Variants in BMP2K observed in about 807,000 individuals in gnomAD.
BMP2K encodes BMP2 inducible kinase.
A neutral mutation model predicts 116.0 loss-of-function variants in BMP2K; 74 were observed. The observed-to-expected ratio is 0.64, with a 90% CI of 0.53 to 0.77. The LOEUF (loss-of-function observed/expected upper bound fraction) is 0.77. Ranked by LOEUF, BMP2K falls within the 30% of genes least tolerant of loss-of-function variation. The pLI is 0.00. For synonymous variants in BMP2K, 486 were observed against 502.5 expected (o/e 0.97, Z 0.44); for missense variants, 1,365 against 1,403.6 (o/e 0.97, Z 0.44).
intron 3 of BMP2K, among the ~76,000 whole-genome samples, chr4:78,835,247 A>G (rs1277260194): frequency 6.6e-6 from 1 of 152,222 alleles, no homozygotes; most frequent in Non-Finnish European, 1.5e-5. Context: ...TTTTAGAAAT[A>G]GTTATCCGGT....
intron 1 of BMP2K, among the ~76,000 whole-genome samples, chr4:78,821,101 A>T (rs1403432792): frequency 6.6e-6 from 1 of 151,988 alleles, no homozygotes; most frequent in Non-Finnish European, 1.5e-5. Context: ...GGTTCTTTGG[A>T]TGATTTCTTT....
intron 7 of BMP2K, chr4:78,859,175 T>C (rs1206725789): frequency 6.5e-6 from 1 of 153,334 alleles, no homozygotes; most frequent in East Asian, 1.9e-4. Context: ...TGATTAAGGA[T>C]CACTTAAAAA....
chr4:78,902,611 A>C (rs1734068452), intron 15 of BMP2K, among the ~76,000 whole-genome samples: 1 of 152,154 alleles, frequency 6.6e-6, no homozygotes, highest in African/African-American at 2.4e-5. Flanking sequence ...TTACAATAGA[A>C]GTTTCAAGCC....
chr4:78,896,392 T>G (rs1345428910), intron 15 of BMP2K, among the ~76,000 whole-genome samples: 3 of 152,214 alleles, frequency 2.0e-5, no homozygotes, highest in African/African-American at 7.2e-5. Flanking sequence ...TAAAATTATC[T>G]GGGTTCAGTT....
Position 78,915,011 on chromosome 4 carries a change from T to G in BMP2K, c.*2978T>G, listed in dbSNP as rs1433404126. Reference sequence around the variant, plus strand: ...ATCAGCTTTTTATGGCATTGAAGAATGTATCTGCTAAGACACAAAAATTGC... The same window carrying G: ...ATCAGCTTTTTATGGCATTGAAGAAGGTATCTGCTAAGACACAAAAATTGC... On this transcript the variant is annotated 3_prime_UTR_variant, in exon 16 of 16. Transcript: ENST00000502613. 6.6e-6 allele frequency: 1 copy of G among 152,052 alleles called. No individual in the cohort carries two copies. Among genetic ancestry groups the G allele is most frequent in the Non-Finnish European group, 1.5e-5 (1 of 67,956 alleles). 9.4% of individuals were successfully genotyped at this position (152,052 alleles called of 1,614,324 possible). A position where few individuals can be genotyped will look rare whatever the true frequency, so the allele number is the denominator to read the frequency against.
Position 78,913,349 on chromosome 4 carries a change from A to C in BMP2K, c.*1316A>C, listed in dbSNP as rs1178216749. 6.6e-6 allele frequency: 1 copy of C among 152,170 alleles called. No homozygotes were observed. Among genetic ancestry groups the C allele is most frequent in the Non-Finnish European group, 1.5e-5 (1 of 67,998 alleles). 9.4% of individuals were successfully genotyped at this position (152,170 alleles called of 1,614,324 possible). On this transcript the variant is annotated 3_prime_UTR_variant, in exon 16 of 16. Coordinates refer to ENST00000502613, the MANE Select transcript of BMP2K (RefSeq NM_198892.2). ...CTACCAATTTGCCTTTTTTTACACC[A>C]CAAATCCTAATTAGAAACTTGAGGT... is the stretch of plus-strand genomic sequence containing the variant.
intron 6 of BMP2K, among the ~76,000 whole-genome samples, chr4:78,850,699 C>A (rs1159241589): frequency 6.6e-6 from 1 of 151,716 alleles, no homozygotes; most frequent in African/African-American, 2.4e-5. Flanking sequence ...TTTTACGATA[C>A]CATTAATTCA....
chr4:78,911,416 G>A lies in BMP2K; in HGVS notation c.2869G>A (p.Val957Met). The A allele has an allele frequency of 6.2e-7, 1 of 1,614,010 alleles. No individual in the cohort carries two copies. The highest frequency in any genetic ancestry group is 8.5e-7 in the Non-Finnish European group (1 of 1,179,890). The change falls in exon 16 of 16, where the codon GTG becomes ATG. Residue 957 changes from valine to methionine, a missense_variant. Transcript: ENST00000502613. ...AAGCAATGAGGACCTTTTTGGGCTT[G>A]TGCCCTTTGATGAAATAACGGGGAG... is the stretch of plus-strand genomic sequence containing the variant. ...SESNEDLFGL[V>M]PFDEITGSQQ...
At position 78,859,664 on chromosome 4, in the gene BMP2K, G is replaced by A. The variant is rs1301428481; in HGVS notation, c.964G>A (p.Asp322Asn). ...TTTTGCATTTAAATTTGCCAAAAAG[G>A]ATTGTCCAGTCTCCAACATCAATGT... ...SYFAFKFAKKDCPVSNINNSS... is the reference protein window; with the variant it reads ...SYFAFKFAKKNCPVSNINNSS... Residue 322 changes from aspartate to asparagine, a missense_variant, in exon 8 of 16, where the codon GAT (aspartate) becomes AAT (asparagine). This residue lies in a region of BMP2K where 762 missense variants were observed against 756.7 expected (regional missense o/e 1.01). Coordinates refer to ENST00000502613, the MANE Select transcript of BMP2K (RefSeq NM_198892.2). 7 of 1,605,316 alleles carry A rather than the reference G, an allele frequency of 4.4e-6. No individual in the cohort carries two copies. Among genetic ancestry groups the A allele is most frequent in the Non-Finnish European group, 6.0e-6 (7 of 1,173,688 alleles).
At chr4:78,865,146 C>T (rs1422805571) in intron 9 of BMP2K, among the ~76,000 whole-genome samples, 1 of 152,046 alleles carries the variant, frequency 6.6e-6, no homozygotes, top group East Asian at 1.9e-4. Context: ...GCCTTGGAGT[C>T]CAAGTAAAGG....
At chr4:78,890,734 A>G (rs1163574637) in intron 15 of BMP2K, among the ~76,000 whole-genome samples, 4 of 152,196 alleles carry the variant, frequency 2.6e-5, no homozygotes, top group African/African-American at 7.2e-5. Context: ...GAGCTCTGCA[A>G]TCAGAACTGG....
At chr4:78,799,407 A>G (rs1474084184) in intron 1 of BMP2K, among the ~76,000 whole-genome samples, 3 of 152,226 alleles carry the variant, frequency 2.0e-5, no homozygotes, top group Admixed American at 6.5e-5. Context: ...AATGTTTACA[A>G]TTTGAAATTG....
chr4:78,784,760 A>C (rs904939864), intron 1 of BMP2K, among the ~76,000 whole-genome samples: 7 of 152,182 alleles, frequency 4.6e-5, no homozygotes, highest in African/African-American at 1.7e-4. Context: ...GCCTTCTTGG[A>C]CGCATCTATC....
chr4:78,824,990 A>G (rs1464775798), intron 1 of BMP2K, among the ~76,000 whole-genome samples: 1 of 152,148 alleles, frequency 6.6e-6, no homozygotes, highest in African/African-American at 2.4e-5. Context: ...TCATGAAATC[A>G]GGAATTCGAG....
chr4:78,859,375 T>TCGGTG, intron 7 of BMP2K: 1 of 379,276 alleles, frequency 2.6e-6, no homozygotes, highest in Non-Finnish European at 4.7e-6. Context: ...AGAGCTGTTC[T>TCGGTG]GTGATTGATC....
At chr4:78,783,134 C>A (rs1408983112) in intron 1 of BMP2K, among the ~76,000 whole-genome samples, 4 of 152,122 alleles carry the variant, frequency 2.6e-5, no homozygotes, top group Admixed American at 2.0e-4. Flanking sequence ...GAATAAGTAT[C>A]ACATTTGTGT....
chr4:78,857,540 A>G (rs1195632543), intron 7 of BMP2K, among the ~76,000 whole-genome samples: 3 of 152,140 alleles, frequency 2.0e-5, no homozygotes, highest in Non-Finnish European at 4.4e-5. Context: ...GAATGCCTGA[A>G]CTATCATTTA....
intron 15 of BMP2K, among the ~76,000 whole-genome samples, chr4:78,892,333 T>G (rs1733482898): frequency 6.6e-6 from 1 of 152,232 alleles, no homozygotes; most frequent in Non-Finnish European, 1.5e-5. Flanking sequence ...TAAAGAAATT[T>G]GTACATTTCA....
chr4:78,909,336 C>T (rs1734455999), intron 15 of BMP2K, among the ~76,000 whole-genome samples: 1 of 148,576 alleles, frequency 6.7e-6, no homozygotes, highest in African/African-American at 2.5e-5. Flanking sequence ...GCACCCAGCC[C>T]CCTTAGTGTT....
Sources: allele counts gnomAD v4.1 joint callset (sites outside exome capture counted in the v4.1 genomes callset), GRCh38; gene constraint gnomAD v4.1.1; regional missense constraint gnomAD v4.1.1; transcripts MANE v1.5; gene names NCBI Gene and HGNC (gene_info 2026-07-23, HGNC 2026-07-21).